CADPS2: variants seen among roughly 807,000 people sequenced by gnomAD.
CADPS2 encodes the protein calcium-dependent secretion activator 2.
CADPS2 carries 93 observed loss-of-function variants against 172.5 expected under a neutral mutation model. The ratio of observed to expected loss-of-function variants is 0.54; its 90% confidence interval spans 0.46 to 0.64. The LOEUF is 0.64. Among genes scored for constraint, CADPS2 ranks in the 30% least tolerant of loss-of-function variants. The pLI, the probability that CADPS2 is intolerant of heterozygous loss-of-function variation, is 0.00. For missense variants in CADPS2, 1,420 were observed against 1,565.9 expected (o/e 0.91, Z 1.57); for synonymous variants, 546 against 555.2 (o/e 0.98, Z 0.23).
chr7:122,523,531 G>A (rs1353527837), intron 8 of CADPS2, among the ~76,000 whole-genome samples: 1 of 151,992 alleles, frequency 6.6e-6, no homozygotes, highest in African/African-American at 2.4e-5. Flanking sequence ...TTATACGACT[G>A]TATAAATATG....
chr7:122,635,274 T>C (rs1275327303), intron 3 of CADPS2, among the ~76,000 whole-genome samples: 1 of 151,756 alleles, frequency 6.6e-6, no homozygotes, highest in East Asian at 1.9e-4. Flanking sequence ...GTGGCTAATT[T>C]TTTTTTTTAA....
At chr7:122,801,332 C>G (rs1204507433) in intron 1 of CADPS2, among the ~76,000 whole-genome samples, 1 of 151,790 alleles carries the variant, frequency 6.6e-6, no homozygotes, top group East Asian at 1.9e-4. Flanking sequence ...TTAAGTGGTC[C>G]AATATGTATT....
rs953031883 is a variant in CADPS2 at position 122,886,246 on chromosome 7, C to T, written c.92G>A (p.Arg31Gln). The change falls in exon 1 of 30, where the codon CGA becomes CAA. Residue 31 changes from arginine to glutamine, a missense_variant. Physicochemically the swap from Arg to Gln is conservative, Grantham distance 43. Coordinates refer to ENST00000449022, the MANE Select transcript of CADPS2 (RefSeq NM_017954.11). Reference sequence around the variant, plus strand: ...TTCCCGAGTCGGGGCTGGAGGAGCTCGCTGCGAGCTGCCGGCTGCCACCAG... The same window carrying T: ...TTCCCGAGTCGGGGCTGGAGGAGCTTGCTGCGAGCTGCCGGCTGCCACCAG... ...DVLVAAGSSQ[R>Q]APPAPTREGR... 1.1e-4 allele frequency: 170 copies of T among 1,498,286 alleles called. No individual in the cohort carries two copies. The highest frequency in any genetic ancestry group is 1.4e-4 in the Non-Finnish European group (162 of 1,131,460). 92.8% of individuals were successfully genotyped at this position (1,498,286 alleles called of 1,614,324 possible). A position where few individuals can be genotyped will look rare whatever the true frequency, so the allele number is the denominator to read the frequency against.
At position 122,388,579 on chromosome 7, in the gene CADPS2, C is replaced by T. The variant is rs745330080; in HGVS notation, c.3164+4G>A. On this transcript the variant is annotated splice_donor_region_variant and intron_variant, in intron 23 of 29. Coordinates refer to ENST00000449022, the MANE Select transcript of CADPS2 (RefSeq NM_017954.11). ...TAAGCAGCAATTTGAAAATACATGTCTACCTTTTGACACAGGCCTCTAGCA... is the reference window on the plus strand; with the variant it reads ...TAAGCAGCAATTTGAAAATACATGTTTACCTTTTGACACAGGCCTCTAGCA... 3.2e-6 allele frequency: 5 copies of T among 1,574,438 alleles called. No individual in the cohort carries two copies.
intron 1 of CADPS2, among the ~76,000 whole-genome samples, chr7:122,856,517 G>C (rs149710081): frequency 3.3e-5 from 5 of 152,018 alleles, no homozygotes; most frequent in African/African-American, 1.2e-4. Flanking sequence ...TCCTCTTCCT[G>C]CCACTAATCT....
intron 1 of CADPS2, among the ~76,000 whole-genome samples, chr7:122,738,169 T>C (rs2092282070): frequency 6.6e-6 from 1 of 152,102 alleles, no homozygotes; most frequent in African/African-American, 2.4e-5. Flanking sequence ...TTATCAATCA[T>C]GTCCTCTAGT....
intron 2 of CADPS2, among the ~76,000 whole-genome samples, chr7:122,733,262 A>T (rs2091857075): frequency 6.6e-6 from 1 of 152,014 alleles, no homozygotes; most frequent in Non-Finnish European, 1.5e-5. Context: ...TTAGAAAAAG[A>T]GAATTGTGGA....
chr7:122,435,087 C>G (rs1206964382), intron 17 of CADPS2, among the ~76,000 whole-genome samples: 1 of 152,034 alleles, frequency 6.6e-6, no homozygotes, highest in African/African-American at 2.4e-5. Context: ...ATCATTCTGA[C>G]AAAATCAAAG....
chr7:122,400,067 T>A (rs1056070694), intron 20 of CADPS2, among the ~76,000 whole-genome samples: 1 of 152,002 alleles, frequency 6.6e-6, no homozygotes, highest in African/African-American at 2.4e-5. Context: ...GAATAGGTGA[T>A]TATCTTTAAG....
At position 122,830,477 on chromosome 7, in the gene CADPS2, A is replaced by C. The variant is rs1369484526; in HGVS notation, c.339+55522T>G. On this transcript the variant is annotated intron_variant, in intron 1 of 29. Transcript: ENST00000449022. ...AGTGAAATACTCCTGAATAACATGC[A>C]ACAATTTTAAAATAAGCAAACAGTA... 2.0e-5 allele frequency among the ~76,000 whole-genome samples: 3 copies of C among 152,356 alleles called. No homozygotes were observed. The East Asian group carries it at 5.8e-4, about 29-fold the overall frequency.
chr7:122,754,554 G>A (rs2093080266), intron 1 of CADPS2, among the ~76,000 whole-genome samples: 1 of 152,048 alleles, frequency 6.6e-6, no homozygotes, highest in Admixed American at 6.5e-5. Context: ...TCGGCTCACT[G>A]CAACGTCCGC....
intron 3 of CADPS2, among the ~76,000 whole-genome samples, chr7:122,659,323 A>AAAAC (rs1554699234): frequency 3.3e-5 from 5 of 151,020 alleles, no homozygotes; most frequent in African/African-American, 1.2e-4. Flanking sequence ...AAAAAAAAAA[A>AAAAC]AAACACCGTG....
intron 1 of CADPS2, among the ~76,000 whole-genome samples, chr7:122,795,679 CTA>C (rs1235382261): frequency 6.6e-6 from 1 of 152,140 alleles, no homozygotes; most frequent in Admixed American, 6.5e-5. Context: ...ATGTTAAAAA[CTA>C]TCAATAAACT....
chr7:122,459,585 T>C lies in CADPS2; in HGVS notation c.2187-8110A>G, dbSNP rs148660525. On this transcript the variant is annotated intron_variant, in intron 14 of 29. Transcript: ENST00000449022. ...TTTATATACTAAAAAGGGGATCTATTTTAATATATTAATTTCTATGATGGA... is the reference window on the plus strand; with the variant it reads ...TTTATATACTAAAAAGGGGATCTATCTTAATATATTAATTTCTATGATGGA... Among the ~76,000 whole-genome samples the C allele has an allele frequency of 7.6e-3, 1,153 of 152,294 alleles. 11 individuals carry two copies. The highest frequency in any genetic ancestry group is 0.026 in the African/African-American group (1,079 of 41,572).
At chr7:122,568,688 C>T (rs974297572) in intron 7 of CADPS2, among the ~76,000 whole-genome samples, 1 of 151,940 alleles carries the variant, frequency 6.6e-6, no homozygotes, top group East Asian at 1.9e-4. Context: ...TGAAAATTAA[C>T]TAAAAATAAA....
At chr7:122,495,899 C>G (rs2058696243) in intron 9 of CADPS2, among the ~76,000 whole-genome samples, 2 of 151,986 alleles carry the variant, frequency 1.3e-5, no homozygotes, top group Non-Finnish European at 2.9e-5. Context: ...TTCTTATTAC[C>G]AATAGGACTA....
At chr7:122,792,579 T>TA (rs1190162800) in intron 1 of CADPS2, among the ~76,000 whole-genome samples, 5 of 152,154 alleles carry the variant, frequency 3.3e-5, no homozygotes, top group African/African-American at 1.2e-4. Flanking sequence ...GACACTATTT[T>TA]AAAAAATGCA....
intron 25 of CADPS2, among the ~76,000 whole-genome samples, chr7:122,362,140 G>A: frequency 6.6e-6 from 1 of 152,066 alleles, no homozygotes; most frequent in Non-Finnish European, 1.5e-5. Context: ...GATAATGAAA[G>A]GGAGGTGGTG....
Position 122,557,471 on chromosome 7 carries a change from C to A in CADPS2, c.1336-2782G>T, listed in dbSNP as rs114174447. Among the ~76,000 whole-genome samples the A allele has an allele frequency of 3.9e-3, 600 of 152,166 alleles. 2 individuals carry two copies. Among genetic ancestry groups the A allele is most frequent in the African/African-American group, 0.014 (587 of 41,526 alleles). On this transcript the variant is annotated intron_variant, in intron 7 of 29. Transcript: ENST00000449022. Reference sequence around the variant, plus strand: ...TCCCATTTTTCCTTTTTCCACGTGGCAAACTTACCCATAGCTCTCCTGTCC... The same window carrying A: ...TCCCATTTTTCCTTTTTCCACGTGGAAAACTTACCCATAGCTCTCCTGTCC...
Sources: allele counts gnomAD v4.1 joint callset (sites outside exome capture counted in the v4.1 genomes callset), GRCh38; gene constraint gnomAD v4.1.1; transcripts MANE v1.5; gene names NCBI Gene and HGNC (gene_info 2026-07-23, HGNC 2026-07-21).